CPQ: variants seen among roughly 807,000 people sequenced by gnomAD.
CPQ encodes Ser-Met dipeptidase.
A neutral mutation model predicts 45.7 loss-of-function variants in CPQ; 37 were observed. The ratio of observed to expected loss-of-function variants is 0.81; its 90% CI spans 0.62 to 1.07. The LOEUF (loss-of-function observed/expected upper bound fraction) is 1.07. Ranked by LOEUF, CPQ falls within the 50% of genes least tolerant of loss-of-function variation. The pLI is 0.00. For missense variants in CPQ, 537 were observed against 572.9 expected (o/e 0.94, Z 0.64); for synonymous variants, 186 against 205.8 (o/e 0.90, Z 0.82).
chr8:97,101,211 T>C (rs1045812218), intron 7 of CPQ, among the ~76,000 whole-genome samples: 4 of 152,184 alleles, frequency 2.6e-5, no homozygotes, highest in African/African-American at 9.6e-5. Context: ...TGTTTCTGAG[T>C]ATGCCATAAA....
chr8:96,943,258 C>G (rs936941821), intron 4 of CPQ, among the ~76,000 whole-genome samples: 16 of 152,122 alleles, frequency 1.1e-4, no homozygotes, highest in Non-Finnish European at 1.8e-4. Flanking sequence ...CAGCTAAGAT[C>G]AATGGAACAG....
At chr8:96,773,719 G>A (rs1810573682) in intron 1 of CPQ, among the ~76,000 whole-genome samples, 1 of 152,192 alleles carries the variant, frequency 6.6e-6, no homozygotes, top group African/African-American at 2.4e-5. Flanking sequence ...TGCAGTCTGG[G>A]AAGTTTAAGA....
At chr8:97,141,405 A>C (rs974668455) in intron 7 of CPQ, among the ~76,000 whole-genome samples, 1 of 152,140 alleles carries the variant, frequency 6.6e-6, no homozygotes, top group South Asian at 2.1e-4. Flanking sequence ...AAACACACAT[A>C]AATGACAAAA....
At chr8:97,036,745 G>A (rs1810013129) in intron 6 of CPQ, among the ~76,000 whole-genome samples, 1 of 152,154 alleles carries the variant, frequency 6.6e-6, no homozygotes, top group Admixed American at 6.5e-5. Context: ...ATATGATCTG[G>A]CATAATTATA....
At chr8:96,877,052 G>A (rs975223562) in intron 3 of CPQ, among the ~76,000 whole-genome samples, 1 of 152,132 alleles carries the variant, frequency 6.6e-6, no homozygotes, top group Non-Finnish European at 1.5e-5. Flanking sequence ...TTCCTTGGTA[G>A]TTTACCCTTT....
chr8:97,024,950 G>A (rs1040042163), intron 5 of CPQ, among the ~76,000 whole-genome samples: 1 of 152,192 alleles, frequency 6.6e-6, no homozygotes, highest in Non-Finnish European at 1.5e-5. Context: ...ACAGAAGGGA[G>A]AATGATACTT....
At chr8:96,799,969 A>G (rs1285840287) in intron 2 of CPQ, among the ~76,000 whole-genome samples, 1 of 152,162 alleles carries the variant, frequency 6.6e-6, no homozygotes, top group African/African-American at 2.4e-5. Context: ...ATGCACACAA[A>G]CATGACCTAA....
chr8:96,934,357 T>G (rs138584062), intron 4 of CPQ, among the ~76,000 whole-genome samples: 2 of 152,256 alleles, frequency 1.3e-5, no homozygotes, highest in East Asian at 1.9e-4. Context: ...GAAGGCCAAG[T>G]AGGTGTTAGA....
At chr8:96,832,961 G>C (rs1405798294) in intron 2 of CPQ, among the ~76,000 whole-genome samples, 1 of 152,012 alleles carries the variant, frequency 6.6e-6, no homozygotes, top group Admixed American at 6.6e-5. Context: ...GGTATGGGAG[G>C]GCCAGGGAGT....
intron 3 of CPQ, among the ~76,000 whole-genome samples, chr8:96,878,116 C>T (rs1812172481): frequency 6.6e-6 from 1 of 152,112 alleles, no homozygotes; most frequent in African/African-American, 2.4e-5. Flanking sequence ...CAGGCATGTG[C>T]CACCACACCT....
At chr8:96,909,353 T>C (rs73279836) in intron 4 of CPQ, among the ~76,000 whole-genome samples, 16,121 of 152,056 alleles carry the variant, frequency 0.11, 1,760 homozygotes, top group African/African-American at 0.28. Context: ...ATTACATCAG[T>C]AACGGTGGAA....
intron 1 of CPQ, among the ~76,000 whole-genome samples, chr8:96,749,122 C>G (rs1173330302): frequency 6.6e-6 from 1 of 152,050 alleles, no homozygotes; most frequent in Non-Finnish European, 1.5e-5. Context: ...TCTATGGGTC[C>G]TGGCACAAAG....
intron 3 of CPQ, among the ~76,000 whole-genome samples, chr8:96,853,508 A>G (rs987299691): frequency 2.0e-5 from 3 of 151,800 alleles, no homozygotes; most frequent in Non-Finnish European, 2.9e-5. Context: ...AAAGAGCAAT[A>G]TAAGTTTATA....
intron 6 of CPQ, among the ~76,000 whole-genome samples, chr8:97,034,956 G>T (rs1423161140): frequency 6.7e-6 from 1 of 150,140 alleles, no homozygotes; most frequent in Admixed American, 6.6e-5. Context: ...AGTGTGGCAC[G>T]ATCTCAGCTC....
chr8:97,112,737 G>A (rs1268533437), intron 7 of CPQ, among the ~76,000 whole-genome samples: 2 of 152,220 alleles, frequency 1.3e-5, no homozygotes, highest in African/African-American at 4.8e-5. Context: ...GGACAGGCGG[G>A]AAGACAGAGG....
chr8:97,011,882 A>C (rs1457410162), intron 5 of CPQ, among the ~76,000 whole-genome samples: 2 of 152,056 alleles, frequency 1.3e-5, no homozygotes. Flanking sequence ...ACTCTCATCC[A>C]ATCCTTTCCT....
intron 2 of CPQ, among the ~76,000 whole-genome samples, chr8:96,801,405 C>G (rs1811006583): frequency 1.3e-5 from 2 of 152,212 alleles, no homozygotes; most frequent in Admixed American, 1.3e-4. Context: ...AATGCTTATC[C>G]AGTTCCCTTT....
chr8:96,870,533 G>C (rs1586432615), intron 3 of CPQ, among the ~76,000 whole-genome samples: 1 of 152,092 alleles, frequency 6.6e-6, no homozygotes, highest in East Asian at 1.9e-4. Context: ...CATGACTCCA[G>C]CCAGATTCAG....
At chr8:96,779,131 T>C (rs1241240070) in intron 1 of CPQ, among the ~76,000 whole-genome samples, 1 of 151,958 alleles carries the variant, frequency 6.6e-6, no homozygotes, top group Non-Finnish European at 1.5e-5. Flanking sequence ...GATGTCTGAC[T>C]TAGGCAATGT....
Sources: allele counts gnomAD v4.1 joint callset (sites outside exome capture counted in the v4.1 genomes callset), GRCh38; gene constraint gnomAD v4.1.1; transcripts MANE v1.5; gene names NCBI Gene and HGNC (gene_info 2026-07-23, HGNC 2026-07-21).